The following CALN1 variants were observed in gnomAD, a reference collection of about 807,000 sequenced individuals.
CALN1 encodes the protein calcium-binding protein 8.
CALN1 carries 17 observed loss-of-function variants against 30.6 expected under a neutral mutation model. The observed-to-expected ratio is 0.56, with a 90% CI of 0.38 to 0.83. CALN1 has a LOEUF of 0.83. Among genes scored for constraint, CALN1 ranks in the 40% least tolerant of loss-of-function variants. The pLI, the probability that CALN1 is intolerant of heterozygous loss-of-function variation, is 0.00. For synonymous variants in CALN1, 156 were observed against 131.4 expected (o/e 1.19, Z -1.28); for missense variants, 291 against 354.9 (o/e 0.82, Z 1.45).
At chr7:72,238,793 G>A (rs549255091) in intron 3 of CALN1, among the ~76,000 whole-genome samples, 2 of 152,284 alleles carry the variant, frequency 1.3e-5, no homozygotes, top group African/African-American at 4.8e-5. Flanking sequence ...CAGCCCTGTA[G>A]AACTGTAAGT....
At chr7:72,384,633 G>A (rs1035300745) in intron 2 of CALN1, among the ~76,000 whole-genome samples, 2 of 151,610 alleles carry the variant, frequency 1.3e-5, no homozygotes, top group South Asian at 2.1e-4. Context: ...AACATAGTGA[G>A]ACCCCGTCTC....
rs34821165 is a variant in CALN1 at position 72,219,740 on chromosome 7, GCA to G, written c.244+58944_244+58945del. Among the ~76,000 whole-genome samples, 61 of 150,638 alleles carry G rather than the reference GCA, an allele frequency of 4.0e-4. 1 individual carries two copies. The South Asian group carries it at 0.011, about 26-fold the overall frequency. ...TGCACACATACACACAAGCATGCAC[GCA>G]CACACACACACAGAGGCAGCAGAAT... On this transcript the variant is annotated intron_variant, in intron 3 of 6. Transcript: ENST00000395275.
chr7:72,359,027 C>T (rs1164298182), intron 2 of CALN1, among the ~76,000 whole-genome samples: 1 of 151,972 alleles, frequency 6.6e-6, no homozygotes, highest in African/African-American at 2.4e-5. Context: ...CATCACAGTG[C>T]ATCCTTTTTT....
At chr7:72,092,719 G>A (rs1437711326) in intron 4 of CALN1, among the ~76,000 whole-genome samples, 2 of 150,900 alleles carry the variant, frequency 1.3e-5, no homozygotes, top group Admixed American at 1.3e-4. Context: ...GTTCCCTTCT[G>A]GGCATATAGT....
intron 5 of CALN1, among the ~76,000 whole-genome samples, chr7:72,005,218 C>A (rs553386664): frequency 1.8e-3 from 275 of 152,308 alleles, no homozygotes; most frequent in South Asian, 6.4e-3. Flanking sequence ...TTCATAAAAA[C>A]CAAAAACTTG....
At chr7:72,131,154 C>G (rs1809116732) in intron 3 of CALN1, among the ~76,000 whole-genome samples, 1 of 152,114 alleles carries the variant, frequency 6.6e-6, no homozygotes, top group Non-Finnish European at 1.5e-5. Flanking sequence ...GAAAAGCCAG[C>G]AGACCATTAC....
intron 5 of CALN1, among the ~76,000 whole-genome samples, chr7:71,863,557 CAAAAAAA>C (rs71531769): frequency 2.8e-4 from 9 of 32,214 alleles, no homozygotes; most frequent in Middle Eastern, 0.05. Flanking sequence ...AACTCCATCT[CAAAAAAA>C]AAAAAAAAAA....
chr7:72,327,523 GTTT>G lies in CALN1; in HGVS notation c.120-48716_120-48714del, dbSNP rs538494885. Among the ~76,000 whole-genome samples, 719 of 152,182 alleles carry G rather than the reference GTTT, an allele frequency of 4.7e-3. 6 individuals are homozygous for G. Among genetic ancestry groups the G allele is most frequent in the Non-Finnish European group, 8.2e-3 (555 of 67,998 alleles). Reference sequence around the variant, plus strand: ...TAAATAAACGAACACTTCATTGAACGTTTTTCTTTTCCTGTTTTCAAAGAATAA... The same window carrying G: ...TAAATAAACGAACACTTCATTGAACGTTCTTTTCCTGTTTTCAAAGAATAA... On this transcript the variant is annotated intron_variant, in intron 2 of 6. Transcript: ENST00000395275.
At chr7:72,134,170 T>C (rs767639757) in intron 3 of CALN1, among the ~76,000 whole-genome samples, 1 of 152,194 alleles carries the variant, frequency 6.6e-6, no homozygotes, top group Admixed American at 6.5e-5. Context: ...CTCCAGAGAA[T>C]GCAGCAACAG....
the CALN1 span, among the ~76,000 whole-genome samples, chr7:72,473,003 T>G: frequency 6.6e-6 from 1 of 152,076 alleles, no homozygotes; most frequent in Non-Finnish European, 1.5e-5. Flanking sequence ...AGAGAAGCCC[T>G]CCTTCCTGTA....
intron 5 of CALN1, among the ~76,000 whole-genome samples, chr7:71,985,991 ATGAAATATTC>A (rs567537129): frequency 4.4e-4 from 67 of 152,130 alleles, no homozygotes; most frequent in Non-Finnish European, 8.1e-4. Context: ...TGATGGTATA[ATGAAATATTC>A]TGCAGCATTT....
chr7:72,357,750 G>T (rs1291959606), intron 2 of CALN1, among the ~76,000 whole-genome samples: 2 of 150,996 alleles, frequency 1.3e-5, no homozygotes, highest in African/African-American at 2.4e-5. Flanking sequence ...GAGGTAAAAA[G>T]AAATAAACAT....
chr7:72,306,320 A>C (rs1416256633), intron 2 of CALN1, among the ~76,000 whole-genome samples: 1 of 152,206 alleles, frequency 6.6e-6, no homozygotes, highest in Non-Finnish European at 1.5e-5. Context: ...AGATTAAGTA[A>C]GAGTCTAGCA....
intron 5 of CALN1, among the ~76,000 whole-genome samples, chr7:71,922,500 T>A (rs901746388): frequency 3.3e-4 from 48 of 145,302 alleles, no homozygotes; most frequent in Non-Finnish European, 6.0e-4. Context: ...ATATATAATA[T>A]ATAAATACAC....
intron 3 of CALN1, among the ~76,000 whole-genome samples, chr7:72,168,930 C>T (rs1317056405): frequency 4.0e-5 from 6 of 151,550 alleles, no homozygotes; most frequent in Admixed American, 2.0e-4. Context: ...CTCAGCCTCC[C>T]GAGTAGCTGG....
At position 72,181,633 on chromosome 7, in the gene CALN1, A is replaced by G. The variant is rs956625050; in HGVS notation, c.245-75339T>C. On this transcript the variant is annotated intron_variant, in intron 3 of 6. Coordinates refer to ENST00000395275, the MANE Select transcript of CALN1 (RefSeq NM_031468.4). ...GCTGGGATTACAGGTGTGAGCCACCATGCTGGCTAATTTTTGTATTTTTAG... is the reference window on the plus strand; with the variant it reads ...GCTGGGATTACAGGTGTGAGCCACCGTGCTGGCTAATTTTTGTATTTTTAG... 2.0e-5 allele frequency among the ~76,000 whole-genome samples: 3 copies of G among 152,024 alleles called. No individual in the cohort carries two copies. The East Asian group carries it at 5.8e-4, about 29-fold the overall frequency.
intron 1 of CALN1, among the ~76,000 whole-genome samples, chr7:72,411,588 T>C (rs1048125503): frequency 1.3e-5 from 2 of 152,196 alleles, no homozygotes; most frequent in South Asian, 2.1e-4. Flanking sequence ...ACTCAAATTG[T>C]AGTCTCAAAA....
At chr7:72,102,996 C>T (rs1426920986) in intron 4 of CALN1, among the ~76,000 whole-genome samples, 1 of 147,096 alleles carries the variant, frequency 6.8e-6, no homozygotes, top group African/African-American at 2.5e-5. Context: ...TTGCTTAAAC[C>T]CGGGAAGCGG....
chr7:72,275,450 C>T (rs924720643), intron 3 of CALN1, among the ~76,000 whole-genome samples: 2 of 152,132 alleles, frequency 1.3e-5, no homozygotes, highest in African/African-American at 2.4e-5. Flanking sequence ...AGAACACATC[C>T]GCACTGTCCT....
Sources: allele counts gnomAD v4.1 joint callset (sites outside exome capture counted in the v4.1 genomes callset), GRCh38; gene constraint gnomAD v4.1.1; transcripts MANE v1.5; gene names NCBI Gene and HGNC (gene_info 2026-07-23, HGNC 2026-07-21).